DRD2: variants seen among roughly 807,000 people sequenced by gnomAD.
DRD2 encodes D(2) dopamine receptor.
In DRD2, 8 loss-of-function variants were observed where a neutral mutation model predicts 38.0. That is an observed-to-expected ratio of 0.21 (90% CI 0.12 to 0.38). The LOEUF is 0.38. Ranked by LOEUF, DRD2 falls within the 10% of genes least tolerant of loss-of-function variation. The probability of loss-of-function intolerance (pLI) is 1.00; values close to 1 mark genes in which losing one functional copy is unlikely to be tolerated. For synonymous variants in DRD2, 230 were observed against 238.6 expected (o/e 0.96, Z 0.33); for missense variants, 403 against 607.7 (o/e 0.66, Z 3.54).
chr11:113,431,623 C>G (rs1218970524), intron 1 of DRD2, among the ~76,000 whole-genome samples: 2 of 152,236 alleles, frequency 1.3e-5, no homozygotes, highest in East Asian at 3.8e-4. Context: ...TTCCTAACAT[C>G]TAGCCTAACT....
chr11:113,469,851 TAATA>T (rs573674954), intron 1 of DRD2, among the ~76,000 whole-genome samples: 8 of 151,658 alleles, frequency 5.3e-5, no homozygotes, highest in African/African-American at 1.7e-4. Context: ...AAAATGAAAA[TAATA>T]AATAAATAAA....
Position 113,448,918 on chromosome 11 carries a change from G to A in DRD2, c.-31-24236C>T, listed in dbSNP as rs146076025. Among the ~76,000 whole-genome samples the A allele has an allele frequency of 5.0e-3, 767 of 152,252 alleles. 12 individuals are homozygous for A. Among genetic ancestry groups the A allele is most frequent in the African/African-American group, 0.018 (732 of 41,562 alleles). On this transcript the variant is annotated intron_variant, in intron 1 of 7. Coordinates refer to ENST00000362072, the MANE Select transcript of DRD2 (RefSeq NM_000795.4). ...TTCTTCTCAACCCTACCTTTAGCCTGCCTTCCTGACCATCCTGCACATGCC... is the reference window on the plus strand; with the variant it reads ...TTCTTCTCAACCCTACCTTTAGCCTACCTTCCTGACCATCCTGCACATGCC...
At chr11:113,472,221 C>T (rs1951435281) in intron 1 of DRD2, among the ~76,000 whole-genome samples, 2 of 152,224 alleles carry the variant, frequency 1.3e-5, no homozygotes, top group Admixed American at 1.3e-4. Flanking sequence ...ATCTTCACAG[C>T]CACACTTTTT....
At chr11:113,470,521 A>G (rs1333747554) in intron 1 of DRD2, among the ~76,000 whole-genome samples, 1 of 152,200 alleles carries the variant, frequency 6.6e-6, no homozygotes, top group Non-Finnish European at 1.5e-5. Context: ...TGCAGGGGAA[A>G]CCAGAGGTTT....
At chr11:113,453,243 A>G (rs1951233589) in intron 1 of DRD2, among the ~76,000 whole-genome samples, 2 of 152,204 alleles carry the variant, frequency 1.3e-5, no homozygotes, top group African/African-American at 4.8e-5. Flanking sequence ...AAAATACTGA[A>G]AAACCCACTT....
At chr11:113,458,896 G>C (rs1012627650) in intron 1 of DRD2, among the ~76,000 whole-genome samples, 1 of 152,160 alleles carries the variant, frequency 6.6e-6, no homozygotes, top group Non-Finnish European at 1.5e-5. Flanking sequence ...TCACATGCTG[G>C]GGGCAGCGAT....
At chr11:113,430,740 G>T (rs543529440) in intron 1 of DRD2, among the ~76,000 whole-genome samples, 2 of 152,312 alleles carry the variant, frequency 1.3e-5, no homozygotes, top group East Asian at 1.9e-4. Context: ...GGTTCTCAGT[G>T]CTGCTCCAGT....
chr11:113,443,540 TG>T (rs1434537029), intron 1 of DRD2, among the ~76,000 whole-genome samples: 1 of 152,248 alleles, frequency 6.6e-6, no homozygotes, highest in Non-Finnish European at 1.5e-5. Context: ...ATCACTGTTT[TG>T]GGAAAGGACG....
At chr11:113,456,871 T>G (rs1358093276) in intron 1 of DRD2, among the ~76,000 whole-genome samples, 1 of 152,150 alleles carries the variant, frequency 6.6e-6, no homozygotes, top group African/African-American at 2.4e-5. Context: ...CACGTCAAAA[T>G]TATTAAGATG....
chr11:113,435,608 A>G (rs985354888), intron 1 of DRD2, among the ~76,000 whole-genome samples: 1 of 152,074 alleles, frequency 6.6e-6, no homozygotes, highest in African/African-American at 2.4e-5. Flanking sequence ...AATGGAGCCC[A>G]CAGACTGGCA....
chr11:113,424,864 C>T, intron 1 of DRD2, 182 bp from the exon 2 acceptor site: 1 of 625,102 alleles, frequency 1.6e-6, no homozygotes, highest in South Asian at 2.0e-5. Context: ...CAAGTTTTTA[C>T]AGCTGGTAGG....
At chr11:113,434,454 T>C (rs1339564777) in intron 1 of DRD2, among the ~76,000 whole-genome samples, 3 of 152,246 alleles carry the variant, frequency 2.0e-5, no homozygotes, top group Non-Finnish European at 4.4e-5. Context: ...AGATCTCCTG[T>C]TGACCCTCTG....
At position 113,410,787 on chromosome 11, in the gene DRD2, G is replaced by T; in HGVS notation, c.1272C>A (p.Ile424=). ...ACTCAATGTTGAAGGTGGTGTAGAT[G>T]ATGGGGTTCACGGCGCTGTTGACAT... The part of the protein sequence containing the change: ...LGYVNSAVNP[I]IYTTFNIEFR... The change falls in exon 8 of 8, where the codon ATC becomes ATA. Residue 424 remains isoleucine (I), a synonymous_variant. Coordinates refer to ENST00000362072, the MANE Select transcript of DRD2 (RefSeq NM_000795.4). 1 of 1,611,934 alleles carries T rather than the reference G, an allele frequency of 6.2e-7. No homozygotes were observed. The highest frequency in any genetic ancestry group is 8.5e-7 in the Non-Finnish European group (1 of 1,179,178).
In DRD2 at chr11:113,473,671, A is replaced by T. The variant is rs184309170; in HGVS notation, c.-32+1405T>A. On this transcript the variant is annotated intron_variant, in intron 1 of 7. Coordinates refer to ENST00000362072, the MANE Select transcript of DRD2 (RefSeq NM_000795.4). Reference sequence around the variant, plus strand: ...ACCCCCTGCAACAAATAATCCAGGAATTTTGAACACTAAGGAGGGAAGTCC... The same window carrying T: ...ACCCCCTGCAACAAATAATCCAGGATTTTTGAACACTAAGGAGGGAAGTCC... Among the ~76,000 whole-genome samples, 229 of 152,304 alleles carry T rather than the reference A, an allele frequency of 1.5e-3. 2 individuals are homozygous for T. The highest frequency in any genetic ancestry group is 3.4e-3 in the Middle Eastern group (1 of 294).
At position 113,410,556 on chromosome 11, in the gene DRD2, G is replaced by A. The variant is rs200800208; in HGVS notation, c.*171C>T. ...CTCACTAGCACTGCCCTGGCAGAGT[G>A]AGGGTGTGCGGGCAGTGAGGAGCAT... On this transcript the variant is annotated 3_prime_UTR_variant, in exon 8 of 8. Coordinates refer to ENST00000362072, the MANE Select transcript of DRD2 (RefSeq NM_000795.4). 2 of 852,730 alleles carry A rather than the reference G, an allele frequency of 2.3e-6. No homozygotes were observed. The highest frequency in any genetic ancestry group is 3.8e-6 in the Non-Finnish European group (2 of 525,838). 52.8% of individuals were successfully genotyped at this position (852,730 alleles called of 1,614,324 possible). A position where few individuals can be genotyped will look rare whatever the true frequency, so the allele number is the denominator to read the frequency against.
intron 7 of DRD2, 106 bp downstream of exon 7, chr11:113,412,450 G>A (rs949354366): frequency 2.8e-6 from 4 of 1,420,454 alleles, no homozygotes; most frequent in African/African-American, 2.8e-5. Context: ...GCCTGTGCCT[G>A]AGGAAATGCT....
At chr11:113,425,249 G>A (rs1284211397) in intron 1 of DRD2, among the ~76,000 whole-genome samples, 1 of 152,222 alleles carries the variant, frequency 6.6e-6, no homozygotes, top group East Asian at 1.9e-4. Context: ...CAGGTATTCA[G>A]GGAAGGCTTT....
chr11:113,447,024 A>T (rs1951157221), intron 1 of DRD2, among the ~76,000 whole-genome samples: 1 of 152,210 alleles, frequency 6.6e-6, no homozygotes, highest in African/African-American at 2.4e-5. Context: ...AGACAAGAAG[A>T]GGGCTGCACA....
intron 1 of DRD2, among the ~76,000 whole-genome samples, chr11:113,452,701 G>T (rs553432960): frequency 1.3e-5 from 2 of 149,816 alleles, no homozygotes; most frequent in Non-Finnish European, 1.5e-5. Context: ...AGGCTGGAGT[G>T]CAGTGGTGCA....
Sources: gnomAD v4.1 joint callset for allele counts (sites outside exome capture counted in the v4.1 genomes callset) on GRCh38, gnomAD v4.1.1 for gene constraint, MANE v1.5 for transcripts, NCBI Gene and HGNC (gene_info 2026-07-23, HGNC 2026-07-21) for gene names.